The following FCHSD2 variants were observed in gnomAD, a reference collection of about 807,000 sequenced individuals.
The protein encoded by FCHSD2 is F-BAR and double SH3 domains protein 2.
In FCHSD2, 38 loss-of-function variants were observed where a neutral mutation model predicts 108.1. The observed-to-expected ratio is 0.35, with a 90% CI of 0.27 to 0.46. The LOEUF (loss-of-function observed/expected upper bound fraction) is 0.46, where lower values mean the gene tolerates loss of function less well. Ranked by LOEUF, FCHSD2 falls within the 20% of genes least tolerant of loss-of-function variation. The pLI is 1.00. For synonymous variants in FCHSD2, 279 were observed against 314.7 expected (o/e 0.89, Z 1.20); for missense variants, 751 against 897.8 (o/e 0.84, Z 2.09).
At chr11:73,092,580 C>T (rs763173019) in intron 2 of FCHSD2, among the ~76,000 whole-genome samples, 6 of 151,974 alleles carry the variant, frequency 3.9e-5, no homozygotes, top group Non-Finnish European at 2.9e-5. Flanking sequence ...GTAAAAAGTT[C>T]AAAAAATGTT....
rs540699963 is a variant in FCHSD2 at position 73,096,843 on chromosome 11, A to C, written c.120-13103T>G. On this transcript the variant is annotated intron_variant, in intron 2 of 19. Transcript: ENST00000409418. ...CCTTGTCTCAAAACAAAAAAAAAAA[A>C]GGAAATTTCCTTCCATTCCTAGTTT... Among the ~76,000 whole-genome samples, 3 of 151,738 alleles carry C rather than the reference A, an allele frequency of 2.0e-5. No individual in the cohort carries two copies. In the East Asian group the frequency reaches 5.8e-4, roughly 29 times the overall value.
At chr11:72,985,401 T>C (rs1185699227) in intron 6 of FCHSD2, among the ~76,000 whole-genome samples, 1 of 140,296 alleles carries the variant, frequency 7.1e-6, no homozygotes, top group Non-Finnish European at 1.5e-5. Context: ...AATCAAAATA[T>C]ATTGGTGTCT....
chr11:73,094,267 A>C (rs757870743), intron 2 of FCHSD2, among the ~76,000 whole-genome samples: 1 of 152,202 alleles, frequency 6.6e-6, no homozygotes, highest in Admixed American at 6.5e-5. Context: ...GGTAAAAATT[A>C]GACTGAACTA....
intron 3 of FCHSD2, among the ~76,000 whole-genome samples, chr11:73,031,220 G>A (rs1476856839): frequency 6.6e-6 from 1 of 152,174 alleles, no homozygotes; most frequent in Non-Finnish European, 1.5e-5. Flanking sequence ...GCTCACATCT[G>A]TAATTCTAGC....
intron 3 of FCHSD2, among the ~76,000 whole-genome samples, chr11:73,061,485 C>G (rs550710205): frequency 3.3e-4 from 50 of 152,334 alleles, no homozygotes; most frequent in African/African-American, 1.2e-3. Context: ...GAAAGGGGTG[C>G]TGAAGCCAGG....
At chr11:73,006,615 G>T (rs1474975136) in intron 4 of FCHSD2, among the ~76,000 whole-genome samples, 1 of 152,196 alleles carries the variant, frequency 6.6e-6, no homozygotes, top group African/African-American at 2.4e-5. Context: ...CTTCTGCCTT[G>T]TCCCCCAACA....
intron 8 of FCHSD2, among the ~76,000 whole-genome samples, chr11:72,973,159 G>C (rs766229490): frequency 1.3e-5 from 2 of 152,144 alleles, no homozygotes; most frequent in Non-Finnish European, 2.9e-5. Flanking sequence ...CCTGAGGTCA[G>C]GAGTTCAAGA....
intron 3 of FCHSD2, among the ~76,000 whole-genome samples, chr11:73,057,148 G>T (rs938036918): frequency 6.6e-6 from 1 of 152,108 alleles, no homozygotes; most frequent in Non-Finnish European, 1.5e-5. Context: ...TTTGCATCGT[G>T]AAGTACATAA....
chr11:72,986,968 T>G (rs1726170641), intron 6 of FCHSD2, among the ~76,000 whole-genome samples: 1 of 152,182 alleles, frequency 6.6e-6, no homozygotes, highest in Admixed American at 6.5e-5. Flanking sequence ...TACCATCTGA[T>G]AGGCAACTGA....
chr11:73,096,008 G>C (rs1007385780), intron 2 of FCHSD2, among the ~76,000 whole-genome samples: 2 of 149,278 alleles, frequency 1.3e-5, no homozygotes, highest in Admixed American at 1.3e-4. Flanking sequence ...ATATCCTAAA[G>C]TGCTATAGAA....
chr11:72,989,234 T>C (rs540997249), intron 5 of FCHSD2, 137 bp from the exon 6 acceptor site: 17 of 577,758 alleles, frequency 2.9e-5, no homozygotes, highest in Non-Finnish European at 4.7e-5. Context: ...GTCCTTCAAA[T>C]TGCAGATTAA....
intron 3 of FCHSD2, among the ~76,000 whole-genome samples, chr11:73,038,908 C>T (rs140380444): frequency 2.0e-5 from 3 of 152,228 alleles, no homozygotes; most frequent in African/African-American, 7.2e-5. Flanking sequence ...TTATGACATG[C>T]CTCCCACTTT....
intron 14 of FCHSD2, among the ~76,000 whole-genome samples, chr11:72,847,560 C>G (rs1373027451): frequency 6.6e-6 from 1 of 152,008 alleles, no homozygotes; most frequent in Non-Finnish European, 1.5e-5. Flanking sequence ...AAGTGCCATA[C>G]ATTATAAAGC....
intron 2 of FCHSD2, among the ~76,000 whole-genome samples, chr11:73,090,610 G>GT (rs1437356988): frequency 6.6e-6 from 1 of 152,102 alleles, no homozygotes; most frequent in Non-Finnish European, 1.5e-5. Context: ...AGAAATCACT[G>GT]TGACAGAACT....
At chr11:73,091,781 T>C (rs1859964582) in intron 2 of FCHSD2, among the ~76,000 whole-genome samples, 1 of 152,150 alleles carries the variant, frequency 6.6e-6, no homozygotes, top group African/African-American at 2.4e-5. Context: ...GGCTCATGCC[T>C]GTAATCCCAG....
intron 3 of FCHSD2, among the ~76,000 whole-genome samples, chr11:73,064,191 G>C (rs1042960906): frequency 6.6e-6 from 1 of 152,064 alleles, no homozygotes; most frequent in Non-Finnish European, 1.5e-5. Flanking sequence ...TGACTACCGG[G>C]TATATAATGA....
Position 73,003,419 on chromosome 11 carries a change from AGTG to A in FCHSD2, c.243-2288_243-2286del, listed in dbSNP as rs1280945755. Among the ~76,000 whole-genome samples, 5 of 152,302 alleles carry A rather than the reference AGTG, an allele frequency of 3.3e-5. No individual in the cohort carries two copies. The South Asian group carries it at 8.3e-4, about 25-fold the overall frequency. ...TAGAAGCACTTCTTGTTAACATAAT[AGTG>A]GTACTCCCAATGGTAGTGGTGTTTT... On this transcript the variant is annotated intron_variant, in intron 4 of 19. Coordinates refer to ENST00000409418, the MANE Select transcript of FCHSD2 (RefSeq NM_014824.3).
intron 8 of FCHSD2, among the ~76,000 whole-genome samples, chr11:72,959,853 G>GGTGTGTGC (rs1555063761): frequency 6.9e-6 from 1 of 145,810 alleles, no homozygotes; most frequent in East Asian, 2.0e-4. Context: ...AAGTTTCTAG[G>GGTGTGTGC]GTGTGTGTGT....
At chr11:72,933,983 G>C (rs1040716915) in intron 8 of FCHSD2, among the ~76,000 whole-genome samples, 1 of 151,006 alleles carries the variant, frequency 6.6e-6, no homozygotes, top group Admixed American at 6.6e-5. Flanking sequence ...GTGGTATGTG[G>C]CTGTAGTCCC....
Sources: gnomAD v4.1 joint callset for allele counts (sites outside exome capture counted in the v4.1 genomes callset) on GRCh38, gnomAD v4.1.1 for gene constraint, MANE v1.5 for transcripts, NCBI Gene and HGNC (gene_info 2026-07-23, HGNC 2026-07-21) for gene names.